Variants in FTO observed in about 807,000 individuals in gnomAD.
FTO encodes the protein alpha-ketoglutarate-dependent dioxygenase FTO.
Under a neutral mutation model 63.9 loss-of-function variants are expected in FTO, and 47 were observed. The ratio of observed to expected loss-of-function variants is 0.74; its 90% CI spans 0.58 to 0.94. The LOEUF is 0.94. Among genes scored for constraint, FTO ranks in the 40% least tolerant of loss-of-function variants. FTO has a pLI of 0.00. For missense variants in FTO, 562 were observed against 618.1 expected (o/e 0.91, Z 0.96); for synonymous variants, 207 against 224.4 (o/e 0.92, Z 0.69).
intron 8 of FTO, among the ~76,000 whole-genome samples, chr16:53,956,020 T>G (rs1337413195): frequency 6.6e-6 from 1 of 152,178 alleles, no homozygotes; most frequent in Non-Finnish European, 1.5e-5. Context: ...AAAATCTATT[T>G]TGCACCTCCT....
intron 3 of FTO, among the ~76,000 whole-genome samples, chr16:53,842,657 T>C (rs1398674058): frequency 6.6e-6 from 1 of 152,104 alleles, no homozygotes; most frequent in East Asian, 1.9e-4. Context: ...AGAAATACTA[T>C]ATGTGCTTGA....
chr16:53,893,774 C>T (rs1290305132), intron 7 of FTO, among the ~76,000 whole-genome samples: 1 of 151,844 alleles, frequency 6.6e-6, no homozygotes, highest in East Asian at 1.9e-4. Flanking sequence ...AGAAATTCTT[C>T]TTGCTGTTTT....
intron 3 of FTO, among the ~76,000 whole-genome samples, chr16:53,834,634 G>A (rs2079240165): frequency 6.6e-6 from 1 of 151,992 alleles, no homozygotes; most frequent in Non-Finnish European, 1.5e-5. Flanking sequence ...GTTATTTTTA[G>A]TTTTTATCAA....
At chr16:53,963,019 G>C (rs1171206177) in intron 8 of FTO, among the ~76,000 whole-genome samples, 1 of 151,658 alleles carries the variant, frequency 6.6e-6, no homozygotes, top group African/African-American at 2.4e-5. Context: ...ACTAAACTAA[G>C]ACTAATCTTT....
chr16:54,062,969 G>A (rs1053840588), intron 8 of FTO, among the ~76,000 whole-genome samples: 1 of 152,236 alleles, frequency 6.6e-6, no homozygotes, highest in Non-Finnish European at 1.5e-5. Context: ...CAAAGTGTGT[G>A]TGTGCACACA....
intron 4 of FTO, among the ~76,000 whole-genome samples, chr16:53,871,573 G>A (rs2080494295): frequency 6.6e-6 from 1 of 152,116 alleles, no homozygotes; most frequent in Admixed American, 6.5e-5. Flanking sequence ...CATATTTTGT[G>A]TGTGTGTATG....
intron 3 of FTO, among the ~76,000 whole-genome samples, chr16:53,842,834 C>T (rs1004606884): frequency 2.6e-5 from 4 of 152,156 alleles, no homozygotes; most frequent in African/African-American, 9.6e-5. Flanking sequence ...CCACCATGCC[C>T]CACTCATTTC....
At chr16:53,930,221 C>CTTTTTTTTTT (rs1014205147) in intron 7 of FTO, among the ~76,000 whole-genome samples, 2 of 75,692 alleles carry the variant, frequency 2.6e-5, no homozygotes, top group Non-Finnish European at 2.5e-5. Context: ...TGATTATCTT[C>CTTTTTTTTTT]TTTTTTTTTT....
At chr16:53,808,531 G>T (rs2078431161) in intron 1 of FTO, among the ~76,000 whole-genome samples, 1 of 152,018 alleles carries the variant, frequency 6.6e-6, no homozygotes, top group Non-Finnish European at 1.5e-5. Flanking sequence ...TCACTTTTAG[G>T]TAATGATACA....
chr16:53,862,018 G>A (rs1232811951), intron 4 of FTO, among the ~76,000 whole-genome samples: 1 of 152,154 alleles, frequency 6.6e-6, no homozygotes, highest in East Asian at 1.9e-4. Context: ...TTGGGAGGTC[G>A]AGGTGGGCAG....
At chr16:53,955,412 A>G (rs1230067077) in intron 8 of FTO, among the ~76,000 whole-genome samples, 3 of 152,136 alleles carry the variant, frequency 2.0e-5, no homozygotes, top group Non-Finnish European at 4.4e-5. Flanking sequence ...CAGGTAGGCA[A>G]TTGGGGAGGG....
chr16:53,767,566 T>A (rs1043112650), intron 1 of FTO, among the ~76,000 whole-genome samples: 1 of 152,000 alleles, frequency 6.6e-6, no homozygotes, highest in Non-Finnish European at 1.5e-5. Flanking sequence ...TTTTTTACTT[T>A]GGAGCCTGGC....
intron 1 of FTO, among the ~76,000 whole-genome samples, chr16:53,789,753 C>CATAT (rs143403033): frequency 0.29 from 42,629 of 147,010 alleles, 7,287 homozygotes; most frequent in Non-Finnish European, 0.39. Flanking sequence ...CTGGAACATA[C>CATAT]ATATATATAT....
At chr16:53,809,948 A>C (rs1170216343) in intron 1 of FTO, among the ~76,000 whole-genome samples, 192 bp from the exon 2 acceptor site, 9 of 152,090 alleles carry the variant, frequency 5.9e-5, no homozygotes, top group Non-Finnish European at 1.3e-4. Flanking sequence ...CTCTAAAAGA[A>C]AAGAAAAAAA....
At chr16:53,719,289 C>A (rs1453178496) in intron 1 of FTO, among the ~76,000 whole-genome samples, 1 of 135,430 alleles carries the variant, frequency 7.4e-6, no homozygotes, top group Non-Finnish European at 1.5e-5. Flanking sequence ...CAGAGTCTTG[C>A]TGTGTCACCC....
In FTO at chr16:54,118,732, G is replaced by A. The variant is rs12597715; in HGVS notation, c.*6817G>A. On this transcript the variant is annotated 3_prime_UTR_variant, in exon 9 of 9. Coordinates refer to ENST00000471389, the MANE Select transcript of FTO (RefSeq NM_001080432.3). ...TGTCTTCGTGGTGCCAGTTTCAAGG[G>A]CACCCTTCTTCCCTTCCCAGCCTCC... 0.32 allele frequency: 49,013 copies of A among 151,900 alleles called. 9,622 individuals carry two copies. The highest frequency in any genetic ancestry group is 0.49 in the East Asian group (2,507 of 5,154). 9.4% of individuals were successfully genotyped at this position (151,900 alleles called of 1,614,324 possible). A position where few individuals can be genotyped will look rare whatever the true frequency, so the allele number is the denominator to read the frequency against.
chr16:54,090,479 A>G (rs1166519603), intron 8 of FTO, among the ~76,000 whole-genome samples: 2 of 152,216 alleles, frequency 1.3e-5, no homozygotes, highest in African/African-American at 4.8e-5. Flanking sequence ...ACAACATTGT[A>G]AGTGTAAATG....
intron 1 of FTO, among the ~76,000 whole-genome samples, chr16:53,738,848 A>AT (rs1054426640): frequency 2.7e-5 from 4 of 150,330 alleles, no homozygotes; most frequent in Admixed American, 6.6e-5. Flanking sequence ...TTTAAAAAAA[A>AT]TTTTTTTTTT....
intron 5 of FTO, among the ~76,000 whole-genome samples, chr16:53,879,397 C>T (rs1023809853): frequency 1.3e-5 from 2 of 152,028 alleles, no homozygotes; most frequent in African/African-American, 2.4e-5. Context: ...GAGTATAGGC[C>T]GGGCACAGTG....
Sources: allele counts gnomAD v4.1 joint callset (sites outside exome capture counted in the v4.1 genomes callset), GRCh38; gene constraint gnomAD v4.1.1; transcripts MANE v1.5; gene names NCBI Gene and HGNC (gene_info 2026-07-23, HGNC 2026-07-21).